The following FAM120B variants were observed in gnomAD, a reference collection of about 807,000 sequenced individuals.
The protein encoded by FAM120B is family with sequence similarity 120 member B.
A neutral mutation model predicts 96.3 loss-of-function variants in FAM120B; 83 were observed. The ratio of observed to expected loss-of-function variants is 0.86; its 90% CI spans 0.72 to 1.03. The LOEUF (loss-of-function observed/expected upper bound fraction) is 1.03. Among genes scored for constraint, FAM120B ranks in the 50% least tolerant of loss-of-function variants. The probability of loss-of-function intolerance (pLI) is 0.00; values close to 1 mark genes in which losing one functional copy is unlikely to be tolerated. For missense variants in FAM120B, 1,027 were observed against 1,121.2 expected (o/e 0.92, Z 1.20); for synonymous variants, 407 against 402.7 (o/e 1.01, Z -0.13).
At chr6:170,345,049 C>T (rs9366143) in intron 4 of FAM120B, among the ~76,000 whole-genome samples, 16,055 of 152,164 alleles carry the variant, frequency 0.11, 1,045 homozygotes, top group East Asian at 0.2. Flanking sequence ...AAATGTTCCC[C>T]GGGGGCAGAC....
At chr6:170,331,542 T>G (rs910277698) in intron 4 of FAM120B, among the ~76,000 whole-genome samples, 2 of 152,238 alleles carry the variant, frequency 1.3e-5, no homozygotes, top group African/African-American at 2.4e-5. Context: ...CATTGACATT[T>G]GTTTTTGCAG....
At chr6:170,328,385 TCATGGTTTATGCAGTA>T (rs1200780433) in intron 3 of FAM120B, among the ~76,000 whole-genome samples, 1 of 152,180 alleles carries the variant, frequency 6.6e-6, no homozygotes, top group Non-Finnish European at 1.5e-5. Flanking sequence ...ACTAACCAAA[TCATGGTTTATGCAGTA>T]CAGGACTGTA....
At chr6:170,348,019 A>G (rs1002082424) in intron 4 of FAM120B, 132 bp from the exon 5 acceptor site, 2 of 702,172 alleles carry the variant, frequency 2.8e-6, no homozygotes, top group Admixed American at 3.1e-5. Flanking sequence ...TAATCTGATC[A>G]TGTTTACTTT....
chr6:170,334,183 A>T (rs749088817), intron 4 of FAM120B, among the ~76,000 whole-genome samples: 18 of 152,134 alleles, frequency 1.2e-4, no homozygotes, highest in Admixed American at 2.0e-4. Flanking sequence ...TATTTTAGAA[A>T]CCTAGGAAAA....
chr6:170,388,012 T>C (rs1045673795), intron 6 of FAM120B, among the ~76,000 whole-genome samples: 2 of 152,150 alleles, frequency 1.3e-5, no homozygotes, highest in African/African-American at 4.8e-5. Context: ...GGAGCAGGCC[T>C]GAGTAAGTGT....
intron 1 of FAM120B, among the ~76,000 whole-genome samples, chr6:170,301,519 T>TC (rs1784140911): frequency 7.2e-6 from 1 of 138,544 alleles, no homozygotes. Context: ...CTTATGCAAA[T>TC]TTGTTGCCAA....
At chr6:170,387,478 T>C (rs923160560) in intron 6 of FAM120B, among the ~76,000 whole-genome samples, 7 of 152,206 alleles carry the variant, frequency 4.6e-5, no homozygotes, top group Admixed American at 2.6e-4. Flanking sequence ...TCGCTAGATA[T>C]CGGTATCACT....
At chr6:170,341,686 C>T (rs1485836654) in intron 4 of FAM120B, among the ~76,000 whole-genome samples, 2 of 152,218 alleles carry the variant, frequency 1.3e-5, no homozygotes, top group African/African-American at 4.8e-5. Flanking sequence ...AGCATAGTAT[C>T]TGGGCTGGAT....
At chr6:170,352,853 C>T (rs1787667198) in intron 5 of FAM120B, among the ~76,000 whole-genome samples, 1 of 152,010 alleles carries the variant, frequency 6.6e-6, no homozygotes, top group African/African-American at 2.4e-5. Context: ...AAGAAAACCC[C>T]AAAGCTAGCA....
intron 1 of FAM120B, among the ~76,000 whole-genome samples, chr6:170,310,147 G>T (rs1339748167): frequency 1.3e-5 from 2 of 152,196 alleles, no homozygotes; most frequent in South Asian, 4.1e-4. Flanking sequence ...GATTAGAAAG[G>T]TAGTCCGTAG....
At chr6:170,298,075 T>C (rs1450748396) in intron 1 of FAM120B, 1 of 152,256 alleles carries the variant, frequency 6.6e-6, no homozygotes, top group Non-Finnish European at 1.5e-5. Flanking sequence ...TTAGTGCCAT[T>C]GTGGACTCAC....
At chr6:170,291,475 G>C (rs1182555016), upstream of FAM120B, among the ~76,000 whole-genome samples, 1 of 152,164 alleles carries the variant, frequency 6.6e-6, no homozygotes, top group East Asian at 1.9e-4. Flanking sequence ...AGCTCTTGGC[G>C]GGGCCGCCCC....
chr6:170,310,463 A>G (rs996126761), intron 1 of FAM120B, among the ~76,000 whole-genome samples: 3 of 152,226 alleles, frequency 2.0e-5, no homozygotes, highest in Non-Finnish European at 4.4e-5. Flanking sequence ...ACTAATCTAC[A>G]GCAGTGCTAA....
chr6:170,367,340 G>C (rs1428016191), intron 6 of FAM120B, among the ~76,000 whole-genome samples: 1 of 152,338 alleles, frequency 6.6e-6, no homozygotes, highest in East Asian at 1.9e-4. Context: ...TAAATGGTTA[G>C]GGAAAAAGTC....
rs74830303 is a variant in FAM120B at position 170,381,820 on chromosome 6, A to G, written c.2284-6467A>G. ...CCATTCATGGTTAAAAAAAAAAAAA[A>G]CTTTCAGAAAAATGATAATGGAGGA... is the stretch of plus-strand genomic sequence containing the variant. On this transcript the variant is annotated intron_variant, in intron 6 of 10. Coordinates refer to ENST00000476287, the MANE Select transcript of FAM120B (RefSeq NM_032448.3). Among the ~76,000 whole-genome samples, 1,351 of 151,946 alleles carry G rather than the reference A, an allele frequency of 8.9e-3. 65 individuals carry two copies. The East Asian group carries it at 0.11, about 12-fold the overall frequency.
chr6:170,317,029 G>C (rs959908125), intron 1 of FAM120B, among the ~76,000 whole-genome samples: 2 of 152,198 alleles, frequency 1.3e-5, no homozygotes, highest in African/African-American at 4.8e-5. Context: ...ACTTCTGTTT[G>C]AGTTCCTAGA....
chr6:170,301,995 C>T (rs1353562901), upstream of FAM120B, among the ~76,000 whole-genome samples: 1 of 152,208 alleles, frequency 6.6e-6, no homozygotes, highest in Non-Finnish European at 1.5e-5. Flanking sequence ...CCTGTTACCC[C>T]ATTCCAAAGT....
chr6:170,375,707 A>G (rs1374721437), intron 6 of FAM120B, among the ~76,000 whole-genome samples: 1 of 152,174 alleles, frequency 6.6e-6, no homozygotes, highest in Non-Finnish European at 1.5e-5. Context: ...GGTCCTTCAG[A>G]GAGCTCAGAG....
intron 5 of FAM120B, among the ~76,000 whole-genome samples, chr6:170,353,318 G>T (rs1321251228): frequency 6.6e-6 from 1 of 152,096 alleles, no homozygotes; most frequent in Non-Finnish European, 1.5e-5. Context: ...TTCTACCAGA[G>T]GTACAAAGAA....
Sources: allele counts gnomAD v4.1 joint callset (sites outside exome capture counted in the v4.1 genomes callset), GRCh38; gene constraint gnomAD v4.1.1; transcripts MANE v1.5; gene names NCBI Gene and HGNC (gene_info 2026-07-23, HGNC 2026-07-21).